The following ANAPC2 variants were observed in gnomAD, a reference collection of about 807,000 sequenced individuals.
ANAPC2 encodes anaphase-promoting complex subunit 2.
In ANAPC2, 29 loss-of-function variants were observed where a neutral mutation model predicts 84.3. The ratio of observed to expected loss-of-function variants is 0.34; its 90% confidence interval spans 0.26 to 0.47. The LOEUF is 0.47. Ranked by LOEUF, ANAPC2 falls within the 20% of genes least tolerant of loss-of-function variation. ANAPC2 has a pLI of 1.00. For synonymous variants in ANAPC2, 571 were observed against 479.4 expected (o/e 1.19, Z -2.50); for missense variants, 857 against 1,131.7 (o/e 0.76, Z 3.48).
chr9:137,186,061 G>A (rs1442268051), intron 3 of ANAPC2, among the ~76,000 whole-genome samples, 163 bp downstream of exon 3: 1 of 152,180 alleles, frequency 6.6e-6, no homozygotes, highest in Non-Finnish European at 1.5e-5. Flanking sequence ...CCAGGGCCCA[G>A]AAGTACTGGT....
chr9:137,186,387 A>G (rs748208488), intron 2 of ANAPC2, 31 bp from the exon 3 acceptor site: 23 of 1,571,214 alleles, frequency 1.5e-5, no homozygotes, highest in Admixed American at 7.3e-5. Context: ...TGGGGCACCC[A>G]GAGCACACAC....
chr9:137,186,260 G>A lies in ANAPC2; in HGVS notation c.837C>T (p.Gly279=). 2 of 1,612,578 alleles carry A rather than the reference G, an allele frequency of 1.2e-6. No homozygotes were observed. Among genetic ancestry groups the A allele is most frequent in the Non-Finnish European group, 1.7e-6 (2 of 1,179,974 alleles). The change falls in exon 3 of 13, where the codon GGC becomes GGT. Residue 279 remains glycine, a synonymous_variant. Coordinates refer to ENST00000323927, the MANE Select transcript of ANAPC2 (RefSeq NM_013366.4). The part of the protein sequence containing the change: ...TRERMEDRCR[G]EYERSFLREF... ...CACGCAGGAAGGAGCGCTCGTACTC[G>A]CCCCGGCAACGGTCCTCCATCCTCT...
chr9:137,180,558 G>A (rs368338340), intron 8 of ANAPC2, 31 bp from the exon 9 acceptor site: 16 of 1,611,382 alleles, frequency 9.9e-6, no homozygotes, highest in Admixed American at 5.0e-5. Context: ...GCAGGGGGTC[G>A]TGATGAGCCC....
intron 2 of ANAPC2, 85 bp from the exon 3 acceptor site, chr9:137,186,441 C>A (rs1834471923): frequency 2.7e-5 from 41 of 1,492,764 alleles, no homozygotes; most frequent in South Asian, 1.7e-4. Flanking sequence ...GACTGCCCTG[C>A]CTGTAGAGTG....
At position 137,180,358 on chromosome 9, in the gene ANAPC2, A is replaced by G. The variant is rs1834316973; in HGVS notation, c.1713T>C (p.Asn571=). Reference sequence around the variant, plus strand: ...TCTCATCCTCCTCCCGGATGTTGGCATTGATGCGGCGGGAGTCCGCCATGT... The same window carrying G: ...TCTCATCCTCCTCCCGGATGTTGGCGTTGATGCGGCGGGAGTCCGCCATGT... ...LKDMADSRRI[N]ANIREEDEKR... Residue 571 remains asparagine, a synonymous_variant, in exon 10 of 13, where the codon AAT becomes AAC. Transcript: ENST00000323927. The G allele has an allele frequency of 6.2e-7, 1 of 1,613,034 alleles. No individual in the cohort carries two copies. The highest frequency in any genetic ancestry group is 8.5e-7 in the Non-Finnish European group (1 of 1,179,900).
intron 10 of ANAPC2, among the ~76,000 whole-genome samples, chr9:137,179,341 C>T (rs1398784717): frequency 6.6e-6 from 1 of 152,078 alleles, no homozygotes; most frequent in Non-Finnish European, 1.5e-5. Context: ...ATCCCGACCC[C>T]TTCCTCCCCG....
intron 6 of ANAPC2, among the ~76,000 whole-genome samples, chr9:137,182,068 G>C (rs751563374): frequency 6.6e-6 from 1 of 152,162 alleles, no homozygotes; most frequent in South Asian, 2.1e-4. Context: ...CAGGAGCTGC[G>C]AGCGCAAGGC....
intron 4 of ANAPC2, among the ~76,000 whole-genome samples, chr9:137,184,204 G>A (rs1215761260): frequency 6.6e-6 from 1 of 152,082 alleles, no homozygotes; most frequent in African/African-American, 2.4e-5. Context: ...AGGGAGCCCA[G>A]ATGCAGACAC....
At chr9:137,183,570 A>G (rs1834386755) in intron 5 of ANAPC2, 102 bp downstream of exon 5, 1 of 1,484,676 alleles carries the variant, frequency 6.7e-7, no homozygotes, top group Non-Finnish European at 8.9e-7. Flanking sequence ...CCTTAGACCT[A>G]CAAGTCCAGG....
intron 6 of ANAPC2, 81 bp from the exon 7 acceptor site, chr9:137,181,943 A>G: frequency 6.8e-7 from 1 of 1,472,520 alleles, no homozygotes; most frequent in Non-Finnish European, 9.1e-7. Flanking sequence ...TCCCGGCCCC[A>G]TCTAGGCCAG....
At chr9:137,188,243 G>C (rs1834522393) in intron 1 of ANAPC2, 140 bp from the exon 2 acceptor site, 1 of 1,343,522 alleles carries the variant, frequency 7.4e-7, no homozygotes, top group South Asian at 1.4e-5. Flanking sequence ...CCGAAGCTAT[G>C]GAAGGGCTGT....
chr9:137,180,669 G>C, intron 8 of ANAPC2, 119 bp downstream of exon 8: 1 of 1,556,054 alleles, frequency 6.4e-7, no homozygotes, highest in Non-Finnish European at 8.7e-7. Flanking sequence ...CCAGCCAGGA[G>C]TGGGGGCGGA....
At position 137,184,904 on chromosome 9, in the gene ANAPC2, C is replaced by G; in HGVS notation, c.1048+9G>C. 6.2e-7 allele frequency: 1 copy of G among 1,611,364 alleles called. No individual in the cohort carries two copies. Among genetic ancestry groups the G allele is most frequent in the South Asian group, 1.1e-5 (1 of 90,880 alleles). Reference sequence around the variant, plus strand: ...GGGAGAGCGGACCCCAGGGCCGGGGCAGGACCACCTCGGACGATGCTGAAG... The same window carrying G: ...GGGAGAGCGGACCCCAGGGCCGGGGGAGGACCACCTCGGACGATGCTGAAG... On this transcript the variant is annotated intron_variant, in intron 4 of 12. Transcript: ENST00000323927.
chr9:137,180,969 T>G lies in ANAPC2; in HGVS notation c.1469-40A>C, dbSNP rs763982346. 8.7e-6 allele frequency: 14 copies of G among 1,605,016 alleles called. No individual in the cohort carries two copies. The South Asian group carries it at 1.5e-4, about 18-fold the overall frequency. On this transcript the variant is annotated intron_variant, in intron 7 of 12. Coordinates refer to ENST00000323927, the MANE Select transcript of ANAPC2 (RefSeq NM_013366.4). ...GCAGGGGTGTCACCTGACAGGCACCTGGGCAAGGACAGGGCCGCCCTCCTC... is the reference window on the plus strand; with the variant it reads ...GCAGGGGTGTCACCTGACAGGCACCGGGGCAAGGACAGGGCCGCCCTCCTC...
intron 10 of ANAPC2, among the ~76,000 whole-genome samples, chr9:137,177,759 C>T (rs1329243897): frequency 2.0e-5 from 3 of 152,082 alleles, no homozygotes; most frequent in East Asian, 3.9e-4. Context: ...GAAATACGGT[C>T]ATTAAAGATA....
intron 5 of ANAPC2, chr9:137,183,452 C>T (rs1156579843): frequency 2.6e-6 from 2 of 778,296 alleles, no homozygotes; most frequent in South Asian, 3.6e-5. Context: ...GTCTCATCAC[C>T]TCAGACCTAC....
chr9:137,186,249 C>A lies in ANAPC2; in HGVS notation c.848G>T (p.Arg283Leu). The A allele has an allele frequency of 6.2e-7, 1 of 1,612,604 alleles. No homozygotes were observed. Among genetic ancestry groups the A allele is most frequent in the Non-Finnish European group, 8.5e-7 (1 of 1,179,974 alleles). ...MEDRCRGEYE[R>L]SFLREFHKWI... ...CTTGTGGAACTCACGCAGGAAGGAG[C>A]GCTCGTACTCGCCCCGGCAACGGTC... The change falls in exon 3 of 13, where the codon CGC becomes CTC. Residue 283 changes from arginine to leucine, a missense_variant. By Grantham distance (102) the Arg-to-Leu change is moderately radical. Around this residue, in one of 3 missense-constraint regions of ANAPC2, gnomAD observed 428 missense variants for 513.8 expected, o/e 0.83. Transcript: ENST00000323927.
chr9:137,175,504 C>T (rs1588755043), intron 11 of ANAPC2, 32 bp from the exon 12 acceptor site: 1 of 1,524,374 alleles, frequency 6.6e-7, no homozygotes, highest in Non-Finnish European at 8.8e-7. Context: ...CGCTGGGCAG[C>T]CTGGGCACGG....
chr9:137,178,549 G>T (rs965761558), intron 10 of ANAPC2, among the ~76,000 whole-genome samples: 5 of 152,188 alleles, frequency 3.3e-5, no homozygotes, highest in Non-Finnish European at 5.9e-5. Context: ...GAGGGGCAGG[G>T]GGAAAGGGAC....
Sources: allele counts gnomAD v4.1 joint callset (sites outside exome capture counted in the v4.1 genomes callset), GRCh38; gene constraint gnomAD v4.1.1; regional missense constraint gnomAD v4.1.1; transcripts MANE v1.5; gene names NCBI Gene and HGNC (gene_info 2026-07-23, HGNC 2026-07-21).